Variants in PRKCD observed in about 807,000 individuals in gnomAD.
The protein encoded by PRKCD is protein kinase C delta, also known as protein kinase C delta type.
Under a neutral mutation model 82.2 loss-of-function variants are expected in PRKCD, and 20 were observed. The observed-to-expected ratio is 0.24, with a 90% CI of 0.17 to 0.35. PRKCD has a LOEUF of 0.35. PRKCD is among the 10% of genes least tolerant of loss of function. The probability of loss-of-function intolerance (pLI) is 1.00; values close to 1 mark genes in which losing one functional copy is unlikely to be tolerated. For synonymous variants in PRKCD, 317 were observed against 337.0 expected, an observed-to-expected ratio of 0.94 and a Z score of 0.65; for missense variants, 607 against 899.0, an observed-to-expected ratio of 0.68 and a Z score of 4.15.
chr3:53,183,276 TC>T, intron 8 of PRKCD, 70 bp downstream of exon 8: 1 of 1,575,628 alleles, frequency 6.3e-7, no homozygotes, highest in Non-Finnish European at 8.7e-7. Context: ...TTGCACCCTC[TC>T]CCCACCCTCC....
At chr3:53,189,481 G>A (rs1553670323) in intron 17 of PRKCD, among the ~76,000 whole-genome samples, 1 of 152,156 alleles carries the variant, frequency 6.6e-6, no homozygotes, top group African/African-American at 2.4e-5. Context: ...AGACAGACCC[G>A]AGGCCAAATG....
chr3:53,171,052 T>C (rs1487121201), intron 2 of PRKCD, among the ~76,000 whole-genome samples: 4 of 152,170 alleles, frequency 2.6e-5, no homozygotes, highest in Admixed American at 6.5e-5. Flanking sequence ...GGGCTCCCTA[T>C]GTGCTGTTTG....
Position 53,189,069 on chromosome 3 carries a change from C to T in PRKCD, c.1566C>T (p.Gly522=), listed in dbSNP as rs782355344. ...CTCCCCACCGCCAGATCCTACAGGG[C>T]CTGAAGTACACATTCTCTGTGGACT... ...PDYIAPEILQ[G]LKYTFSVDWW... The change falls in exon 17 of 19, where the codon GGC becomes GGT. Residue 522 remains glycine, a synonymous_variant. Transcript: ENST00000330452. 1 of 1,612,802 alleles carries T rather than the reference C, an allele frequency of 6.2e-7. No individual in the cohort carries two copies. The highest frequency in any genetic ancestry group is 8.5e-7 in the Non-Finnish European group (1 of 1,179,264).
At chr3:53,181,374 C>G in intron 5 of PRKCD, 70 bp from the exon 6 acceptor site, 1 of 1,610,098 alleles carries the variant, frequency 6.2e-7, no homozygotes, top group Non-Finnish European at 8.5e-7. Context: ...CAGGACCACC[C>G]TGGGAGGGAC....
At chr3:53,168,269 A>G (rs1338592422) in intron 2 of PRKCD, among the ~76,000 whole-genome samples, 1 of 152,216 alleles carries the variant, frequency 6.6e-6, no homozygotes, top group Admixed American at 6.5e-5. Flanking sequence ...CCCTACACCC[A>G]TGGCAGCTGG....
At chr3:53,175,520 G>C (rs932846304) in intron 2 of PRKCD, among the ~76,000 whole-genome samples, 3 of 152,180 alleles carry the variant, frequency 2.0e-5, no homozygotes, top group African/African-American at 7.2e-5. Context: ...CCTGCACAGA[G>C]TCCACAGCCA....
intron 2 of PRKCD, among the ~76,000 whole-genome samples, chr3:53,175,024 C>T (rs1172010504): frequency 6.6e-6 from 1 of 152,242 alleles, no homozygotes; most frequent in African/African-American, 2.4e-5. Flanking sequence ...CTCCTCCACC[C>T]TCCATGCAGT....
At chr3:53,164,234 T>C (rs1702762169) in intron 1 of PRKCD, among the ~76,000 whole-genome samples, 1 of 152,144 alleles carries the variant, frequency 6.6e-6, no homozygotes, top group African/African-American at 2.4e-5. Flanking sequence ...AGCTGTGTAA[T>C]GGGCACAATA....
intron 2 of PRKCD, among the ~76,000 whole-genome samples, chr3:53,168,152 G>GC (rs1553664204): frequency 6.6e-6 from 1 of 152,208 alleles, no homozygotes; most frequent in Non-Finnish European, 1.5e-5. Flanking sequence ...AAGCCCTCCT[G>GC]CCAGCCTGCT....
chr3:53,181,632 G>A (rs369047662), intron 6 of PRKCD, 26 bp downstream of exon 6: 3 of 1,613,874 alleles, frequency 1.9e-6, no homozygotes, highest in Non-Finnish European at 2.5e-6. Context: ...GCCCACTGGT[G>A]GTGGTGCAGG....
rs1553668829 is a variant in PRKCD, at chr3:53,185,659, G to A, written c.944G>A (p.Gly315Asp). 6.2e-7 allele frequency: 1 copy of A among 1,612,964 alleles called. No individual in the cohort carries two copies. Among genetic ancestry groups the A allele is most frequent in the Non-Finnish European group, 8.5e-7 (1 of 1,180,032 alleles). Reference sequence around the variant, plus strand: ...TCAGAGCCTGTTGGGATATATCAGGGTTTCGAGAAGAAGACCGGAGTTGCT... The same window carrying A: ...TCAGAGCCTGTTGGGATATATCAGGATTTCGAGAAGAAGACCGGAGTTGCT... ...ASSEPVGIYQGFEKKTGVAGE... is the reference protein window; with the variant it reads ...ASSEPVGIYQDFEKKTGVAGE... Residue 315 changes from glycine to aspartate, a missense_variant, in exon 11 of 19, where the codon GGT (glycine) becomes GAT (aspartate). Coordinates refer to ENST00000330452, the MANE Select transcript of PRKCD (RefSeq NM_006254.4).
chr3:53,190,533 C>G (rs149728986), intron 18 of PRKCD, among the ~76,000 whole-genome samples: 1 of 152,096 alleles, frequency 6.6e-6, no homozygotes, highest in African/African-American at 2.4e-5. Flanking sequence ...TGAGAGGCCC[C>G]GTTGGAAGAA....
chr3:53,180,935 G>A (rs1380128791), intron 4 of PRKCD, among the ~76,000 whole-genome samples: 6 of 152,024 alleles, frequency 3.9e-5, no homozygotes, highest in Admixed American at 2.0e-4. Context: ...TTCCCTTCCC[G>A]CTCTATTCCC....
At position 53,181,532 on chromosome 3, in the gene PRKCD, C is replaced by T. The variant is rs1703441188; in HGVS notation, c.465C>T (p.Tyr155=). The T allele has an allele frequency of 6.2e-7, 1 of 1,614,260 alleles. No homozygotes were observed. The highest frequency in any genetic ancestry group is 2.2e-5 in the East Asian group (1 of 44,890). ...CCATCAAACAGGCCAAAATCCACTA[C>T]ATCAAGAACCATGAGTTTATCGCCA... The part of the protein sequence containing the change: ...RGAIKQAKIH[Y]IKNHEFIATF... The change falls in exon 6 of 19, where the codon TAC becomes TAT. Residue 155 remains tyrosine (Y), a synonymous_variant. Coordinates refer to ENST00000330452, the MANE Select transcript of PRKCD (RefSeq NM_006254.4).
At chr3:53,181,131 G>T (rs1703423422) in intron 4 of PRKCD, 76 bp from the exon 5 acceptor site, 15 of 1,509,634 alleles carry the variant, frequency 9.9e-6, no homozygotes, top group Non-Finnish European at 1.4e-5. Context: ...CCAGCCATGG[G>T]GGTGGGTTCT....
chr3:53,161,897 C>T (rs1413556142), intron 1 of PRKCD, among the ~76,000 whole-genome samples: 2 of 139,926 alleles, frequency 1.4e-5, no homozygotes, highest in Non-Finnish European at 3.1e-5. Flanking sequence ...CCCCTCGATC[C>T]CGTCCTCCCG....
intron 4 of PRKCD, 75 bp from the exon 5 acceptor site, chr3:53,181,132 G>T: frequency 6.6e-7 from 1 of 1,512,558 alleles, no homozygotes; most frequent in East Asian, 2.4e-5. Flanking sequence ...CAGCCATGGG[G>T]GTGGGTTCTG....
In PRKCD at chr3:53,183,184, C is replaced by G; in HGVS notation, c.635C>G (p.Ala212Gly). The change falls in exon 8 of 19, where the codon GCG becomes GGG. Residue 212 changes from alanine to glycine, a missense_variant. This residue lies in a region of PRKCD where 109 missense variants were observed against 155.6 expected (regional missense o/e 0.70). Coordinates refer to ENST00000330452, the MANE Select transcript of PRKCD (RefSeq NM_006254.4). ...DKIIGRCTGT[A>G]ANSRDTIFQK... ...ATCATCGGCAGATGCACTGGCACCGCGGCCAACAGCCGGGACACTATAGTG... is the reference window on the plus strand; with the variant it reads ...ATCATCGGCAGATGCACTGGCACCGGGGCCAACAGCCGGGACACTATAGTG... 1 of 1,614,194 alleles carries G rather than the reference C, an allele frequency of 6.2e-7. No individual in the cohort carries two copies. The highest frequency in any genetic ancestry group is 8.5e-7 in the Non-Finnish European group (1 of 1,180,016).
chr3:53,183,596 G>T lies in PRKCD; in HGVS notation c.787+15G>T. The T allele has an allele frequency of 6.2e-7, 1 of 1,612,606 alleles. No homozygotes were observed. Among genetic ancestry groups the T allele is most frequent in the Non-Finnish European group, 8.5e-7 (1 of 1,179,148 alleles). ...AAAGTGTGAAGGTGCGTGCCACCCC[G>T]CCCCTGGGCTGCAGGAGGGGCACTC... On this transcript the variant is annotated intron_variant, in intron 9 of 18. Coordinates refer to ENST00000330452, the MANE Select transcript of PRKCD (RefSeq NM_006254.4).
Sources: gnomAD v4.1 joint callset for allele counts (sites outside exome capture counted in the v4.1 genomes callset) on GRCh38, gnomAD v4.1.1 for gene constraint, gnomAD v4.1.1 regional missense constraint, MANE v1.5 for transcripts, NCBI Gene and HGNC (gene_info 2026-07-23, HGNC 2026-07-21) for gene names.